The following MIER2 variants were observed in gnomAD, a reference collection of about 807,000 sequenced individuals.
MIER2 encodes mesoderm induction early response protein 2.
MIER2 carries 30 observed loss-of-function variants against 67.6 expected under a neutral mutation model. The observed-to-expected ratio is 0.44, with a 90% CI of 0.33 to 0.60. MIER2 has a LOEUF of 0.60. Among genes scored for constraint, MIER2 ranks in the 20% least tolerant of loss-of-function variants. The pLI is 0.02. For missense variants in MIER2, 702 were observed against 745.1 expected, an observed-to-expected ratio of 0.94 and a Z score of 0.67; for synonymous variants, 372 against 312.6, an observed-to-expected ratio of 1.19 and a Z score of -2.00.
intron 2 of MIER2, among the ~76,000 whole-genome samples, chr19:335,312 G>A (rs555532495): frequency 5.3e-5 from 8 of 152,366 alleles, no homozygotes; most frequent in African/African-American, 1.9e-4. Context: ...TGGGCACACA[G>A]GTGTGCACCA....
chr19:334,384 C>T lies in MIER2; in HGVS notation c.243+16G>A, dbSNP rs1228848942. 5.0e-6 allele frequency: 8 copies of T among 1,613,670 alleles called. No homozygotes were observed. The highest frequency in any genetic ancestry group is 6.8e-6 in the Non-Finnish European group (8 of 1,179,814). On this transcript the variant is annotated intron_variant, in intron 3 of 13. Transcript: ENST00000264819. Reference sequence around the variant, plus strand: ...GCTCCACCCAACACAGGGGCAGGATCACCTTGGCCAAGTACCTGGGAGATG... The same window carrying T: ...GCTCCACCCAACACAGGGGCAGGATTACCTTGGCCAAGTACCTGGGAGATG...
chr19:326,410 C>A, intron 6 of MIER2, 97 bp downstream of exon 6: 3 of 786,148 alleles, frequency 3.8e-6, no homozygotes, highest in Admixed American at 2.8e-5. Context: ...GGATGCCAGG[C>A]TGGGGAGACG....
chr19:317,161 G>A (rs111952810), intron 7 of MIER2, among the ~76,000 whole-genome samples: 1,992 of 152,176 alleles, frequency 0.013, 73 homozygotes, highest in Admixed American at 0.098. Flanking sequence ...TTGGGAGGCC[G>A]ACGTGGGCGG....
chr19:332,394 C>A (rs1446593119), intron 3 of MIER2, among the ~76,000 whole-genome samples: 2 of 152,120 alleles, frequency 1.3e-5, no homozygotes, highest in Non-Finnish European at 2.9e-5. Flanking sequence ...CCTCCGCCTC[C>A]TGGGTTCAAG....
intron 7 of MIER2, among the ~76,000 whole-genome samples, chr19:316,605 C>T (rs894807665): frequency 2.0e-5 from 3 of 152,120 alleles, no homozygotes; most frequent in Admixed American, 6.5e-5. Context: ...GTAAAATTAA[C>T]GATAGCACAA....
At chr19:331,906 A>T (rs934153430) in intron 3 of MIER2, among the ~76,000 whole-genome samples, 2 of 152,042 alleles carry the variant, frequency 1.3e-5, no homozygotes, top group African/African-American at 4.8e-5. Context: ...ACTTGAGCCC[A>T]GGAGGCGGAG....
chr19:334,618 T>C (rs1192778871), intron 2 of MIER2, 76 bp from the exon 3 acceptor site: 8 of 1,555,418 alleles, frequency 5.1e-6, no homozygotes, highest in Admixed American at 1.8e-5. Context: ...TACTGACGCC[T>C]GGTGAAGCCC....
chr19:332,488 G>C (rs1480231524), intron 3 of MIER2, among the ~76,000 whole-genome samples: 1 of 151,178 alleles, frequency 6.6e-6, no homozygotes, highest in East Asian at 2.0e-4. Context: ...TTTTAGTAGA[G>C]ACGGGGTTTC....
intron 3 of MIER2, 86 bp from the exon 4 acceptor site, chr19:328,075 C>T (rs1971847728): frequency 1.3e-6 from 2 of 1,563,694 alleles, no homozygotes; most frequent in East Asian, 2.3e-5. Flanking sequence ...GCCTCACTGG[C>T]CACAACCAGG....
intron 3 of MIER2, among the ~76,000 whole-genome samples, chr19:328,355 C>T (rs1436484011): frequency 6.8e-6 from 1 of 147,864 alleles, no homozygotes; most frequent in African/African-American, 2.5e-5. Context: ...AACTCAACAT[C>T]AATATATTAA....
At position 306,432 on chromosome 19, in the gene MIER2, G is replaced by A. The variant is rs981421421; in HGVS notation, c.*258C>T. ...TCCCCGGCTGCCCGACGGATCCCAC[G>A]TGCAGGCAGCGGCCCGGACCCGGGT... On this transcript the variant is annotated 3_prime_UTR_variant, in exon 14 of 14. Coordinates refer to ENST00000264819, the MANE Select transcript of MIER2 (RefSeq NM_017550.3). 1.7e-5 allele frequency: 10 copies of A among 596,100 alleles called. No individual in the cohort carries two copies. The highest frequency in any genetic ancestry group is 3.0e-5 in the Admixed American group (1 of 33,324). 36.9% of individuals were successfully genotyped at this position (596,100 alleles called of 1,614,324 possible). A position where few individuals can be genotyped will look rare whatever the true frequency, so the allele number is the denominator to read the frequency against.
At position 308,490 on chromosome 19, in the gene MIER2, G is replaced by T; in HGVS notation, c.1198+87C>A. On this transcript the variant is annotated intron_variant, in intron 12 of 13. Transcript: ENST00000264819. The surrounding 1 kb of genome is among the most constrained non-coding windows in gnomAD (Gnocchi z 9.1). ...TGGCGAGGCTGGCCCAGCACAGGGC[G>T]CCAGGCAGGAGAGGCTCCACCGGGC... 2 of 1,396,100 alleles carry T rather than the reference G, an allele frequency of 1.4e-6. No homozygotes were observed. The highest frequency in any genetic ancestry group is 9.7e-7 in the Non-Finnish European group (1 of 1,032,694). The allele number at this position is 1,396,100 out of a possible 1,614,324, so 86.5% of individuals were successfully genotyped here.
chr19:336,769 GGTTT>G (rs1481133040), intron 1 of MIER2, among the ~76,000 whole-genome samples: 2 of 152,128 alleles, frequency 1.3e-5, no homozygotes, highest in Non-Finnish European at 2.9e-5. Context: ...CATATTTTAT[GGTTT>G]GTCAATTACA....
chr19:320,739 TC>T lies in MIER2; in HGVS notation c.655+4895del, dbSNP rs1971466269. 9.8e-5 allele frequency among the ~76,000 whole-genome samples: 15 copies of T among 152,330 alleles called. 6 individuals are homozygous for T. The highest frequency in any genetic ancestry group is 9.8e-4 in the Admixed American group (15 of 15,300). ...TTCCTCCTGAAACCACGCCCCCTAC[TC>T]CAACATCCGTGGAAAAATTGTCTTC... is the stretch of plus-strand genomic sequence containing the variant. On this transcript the variant is annotated intron_variant, in intron 7 of 13. Coordinates refer to ENST00000264819, the MANE Select transcript of MIER2 (RefSeq NM_017550.3).
intron 1 of MIER2, among the ~76,000 whole-genome samples, 157 bp downstream of exon 1, chr19:344,617 G>C (rs993918011): frequency 2.0e-5 from 3 of 147,402 alleles, no homozygotes; most frequent in Non-Finnish European, 4.5e-5. Context: ...GGAGCCCCGC[G>C]CCCCTCCGGC....
chr19:344,441 G>C, intron 1 of MIER2: 1 of 942,444 alleles, frequency 1.1e-6, no homozygotes, highest in Non-Finnish European at 1.3e-6. Flanking sequence ...ACCCTGGAAC[G>C]GAGCCGCGCG....
At chr19:336,194 G>A (rs751598795) in intron 1 of MIER2, 21 bp from the exon 2 acceptor site, 12 of 1,604,768 alleles carry the variant, frequency 7.5e-6, no homozygotes, top group Non-Finnish European at 9.4e-6. Flanking sequence ...AGAGAGGCAG[G>A]GTTAGCTCGG....
At chr19:331,349 C>T (rs182199897) in intron 3 of MIER2, among the ~76,000 whole-genome samples, 46 of 145,110 alleles carry the variant, frequency 3.2e-4, no homozygotes, top group African/African-American at 1.1e-3. Flanking sequence ...CAGAGTGAGA[C>T]TCTGTCCCCA....
intron 3 of MIER2, 36 bp from the exon 4 acceptor site, chr19:328,025 G>T: frequency 5.6e-6 from 9 of 1,608,710 alleles, no homozygotes; most frequent in Non-Finnish European, 7.6e-6. Flanking sequence ...CCATCAGGAG[G>T]GACGGCTCTG....
Sources: allele counts gnomAD v4.1 joint callset (sites outside exome capture counted in the v4.1 genomes callset), GRCh38; gene constraint gnomAD v4.1.1; non-coding constraint Gnocchi (gnomAD v3.1); transcripts MANE v1.5; gene names NCBI Gene and HGNC (gene_info 2026-07-23, HGNC 2026-07-21).